DLGAP2: variants seen among roughly 807,000 people sequenced by gnomAD.
The protein encoded by DLGAP2 is DLG associated protein 2, also known as disks large-associated protein 2.
In DLGAP2, 26 loss-of-function variants were observed where a neutral mutation model predicts 100.3. That is an observed-to-expected ratio of 0.26 (90% CI 0.19 to 0.36). The LOEUF (loss-of-function observed/expected upper bound fraction) is 0.36, where lower values mean the gene tolerates loss of function less well. DLGAP2 is among the 10% of genes least tolerant of loss of function. The pLI is 1.00. For missense variants in DLGAP2, 1,858 were observed against 1,453.2 expected, an observed-to-expected ratio of 1.28 and a Z score of -4.53; for synonymous variants, 886 against 630.1, an observed-to-expected ratio of 1.41 and a Z score of -6.08.
intron 3 of DLGAP2, among the ~76,000 whole-genome samples, chr8:1,471,887 C>T (rs777064888): frequency 1.9e-4 from 29 of 152,204 alleles, no homozygotes; most frequent in Non-Finnish European, 1.0e-4. Context: ...TGGGGCTCTG[C>T]GCAGGCCTGC....
chr8:1,227,072 A>T (rs1480565217), intron 2 of DLGAP2, among the ~76,000 whole-genome samples: 1 of 145,990 alleles, frequency 6.8e-6, no homozygotes, highest in Non-Finnish European at 1.5e-5. Flanking sequence ...TCACCTGTTC[A>T]TTGCAGCGTA....
intron 6 of DLGAP2, among the ~76,000 whole-genome samples, chr8:1,585,256 A>G (rs1377575930): frequency 6.6e-6 from 1 of 152,180 alleles, no homozygotes; most frequent in Non-Finnish European, 1.5e-5. Flanking sequence ...TGAGATCAGG[A>G]GTTTGAGACC....
At chr8:1,392,501 T>G (rs1264116577) in intron 3 of DLGAP2, among the ~76,000 whole-genome samples, 1 of 152,254 alleles carries the variant, frequency 6.6e-6, no homozygotes, top group East Asian at 1.9e-4. Context: ...ATTGTCCTGC[T>G]GTGCCTCATT....
At chr8:1,061,206 G>C (rs932314376) in intron 2 of DLGAP2, among the ~76,000 whole-genome samples, 3 of 152,092 alleles carry the variant, frequency 2.0e-5, no homozygotes, top group African/African-American at 7.2e-5. Flanking sequence ...TGGAATCGTC[G>C]CCCATCCCTC....
At chr8:1,496,529 G>A (rs1799550655) in intron 3 of DLGAP2, among the ~76,000 whole-genome samples, 1 of 152,142 alleles carries the variant, frequency 6.6e-6, no homozygotes, top group Non-Finnish European at 1.5e-5. Context: ...CAGGAAGTGT[G>A]AGCAGCTTGT....
rs145203708 is a variant in DLGAP2 at position 1,288,851 on chromosome 8, A to G, written c.106+29968A>G. Reference sequence around the variant, plus strand: ...TGTGTACATGGTTCTGTTAGGTTCTATTACACAGTGTTCATTCCTCCATAG... The same window carrying G: ...TGTGTACATGGTTCTGTTAGGTTCTGTTACACAGTGTTCATTCCTCCATAG... On this transcript the variant is annotated intron_variant, in intron 3 of 14. Coordinates refer to ENST00000637795, the MANE Select transcript of DLGAP2 (RefSeq NM_001346810.2). 6.0e-3 allele frequency among the ~76,000 whole-genome samples: 916 copies of G among 152,172 alleles called. 11 individuals carry two copies. The highest frequency in any genetic ancestry group is 0.032 in the Admixed American group (481 of 15,262).
intron 12 of DLGAP2, among the ~76,000 whole-genome samples, chr8:1,685,414 T>G (rs1255076395): frequency 1.3e-5 from 2 of 152,218 alleles, no homozygotes; most frequent in East Asian, 3.9e-4. Context: ...GGGGTCAATG[T>G]ATCACACAGC....
intron 3 of DLGAP2, among the ~76,000 whole-genome samples, chr8:1,458,167 A>G (rs1388522480): frequency 6.6e-6 from 1 of 151,324 alleles, no homozygotes; most frequent in East Asian, 1.9e-4. Context: ...CGGCCTCCCA[A>G]AGTGCTGGGA....
intron 3 of DLGAP2, among the ~76,000 whole-genome samples, chr8:1,303,196 G>A (rs1231380676): frequency 1.3e-5 from 2 of 152,196 alleles, no homozygotes; most frequent in South Asian, 2.1e-4. Context: ...AGGAGCTCAA[G>A]ACCATCCTGG....
intron 3 of DLGAP2, among the ~76,000 whole-genome samples, chr8:1,389,151 G>T (rs1585326281): frequency 6.6e-6 from 1 of 152,172 alleles, no homozygotes; most frequent in African/African-American, 2.4e-5. Flanking sequence ...ACAGACTAAG[G>T]GTGTGGAAGT....
Position 1,151,861 on chromosome 8 carries a change from C to G in DLGAP2, c.74-106990C>G, listed in dbSNP as rs956754243. On this transcript the variant is annotated intron_variant, in intron 2 of 14. Coordinates refer to ENST00000637795, the MANE Select transcript of DLGAP2 (RefSeq NM_001346810.2). The stretch of plus-strand genomic sequence containing the variant: ...TTTCTTTCTGGTTATTCCATTAGAA[C>G]AAACTATTGGAAGTAAAATTAAGGG... Among the ~76,000 whole-genome samples, 5 of 152,310 alleles carry G rather than the reference C, an allele frequency of 3.3e-5. No individual in the cohort carries two copies. The East Asian group carries it at 5.8e-4, about 18-fold the overall frequency.
At chr8:1,500,694 G>T (rs910473821) in intron 3 of DLGAP2, among the ~76,000 whole-genome samples, 3 of 152,238 alleles carry the variant, frequency 2.0e-5, no homozygotes, top group South Asian at 2.1e-4. Flanking sequence ...AGTGCTCAGT[G>T]ACCCCAAGAC....
chr8:1,326,568 C>G (rs929854272), intron 3 of DLGAP2, among the ~76,000 whole-genome samples: 3 of 151,842 alleles, frequency 2.0e-5, no homozygotes, highest in Admixed American at 6.6e-5. Flanking sequence ...CACTCGGTCT[C>G]AGTCCGGGCT....
intron 1 of DLGAP2, among the ~76,000 whole-genome samples, chr8:899,197 C>T (rs1318730149): frequency 6.6e-6 from 1 of 152,242 alleles, no homozygotes; most frequent in Admixed American, 6.5e-5. Flanking sequence ...TCCCATAGTG[C>T]GTTCCACATG....
At chr8:1,464,506 G>GGCACCCTTCCAGGAAA (rs149102661) in intron 3 of DLGAP2, among the ~76,000 whole-genome samples, 1 of 129,598 alleles carries the variant, frequency 7.7e-6, no homozygotes, top group Non-Finnish European at 1.7e-5. Context: ...CTTCCAGGAC[G>GGCACCCTTCCAGGAAA]GCACCCTTCC....
Position 1,676,576 on chromosome 8 carries a change from G to C in DLGAP2, c.2246G>C (p.Arg749Pro). 1 of 1,613,518 alleles carries C rather than the reference G, an allele frequency of 6.2e-7. No individual in the cohort carries two copies. The highest frequency in any genetic ancestry group is 8.5e-7 in the Non-Finnish European group (1 of 1,179,732). ...TDSDTESRGL[R>P]EYHSVGVQVE... ...TCTGACACGGAGAGCCGCGGTCTGC[G>C]GGAATACCACTCTGTCGGGGTGCAA... Residue 749 changes from arginine to proline, a missense_variant, in exon 11 of 15, where the codon CGG (arginine) becomes CCG (proline). By Grantham distance (103) the Arg-to-Pro change is moderately radical. Coordinates refer to ENST00000637795, the MANE Select transcript of DLGAP2 (RefSeq NM_001346810.2).
chr8:1,120,646 C>T (rs949652298), intron 2 of DLGAP2, among the ~76,000 whole-genome samples: 1 of 151,816 alleles, frequency 6.6e-6, no homozygotes, highest in Non-Finnish European at 1.5e-5. Flanking sequence ...CTTCAGAACT[C>T]ATGACTATAA....
At chr8:1,376,228 G>C (rs557834214) in intron 3 of DLGAP2, among the ~76,000 whole-genome samples, 1 of 152,372 alleles carries the variant, frequency 6.6e-6, no homozygotes, top group South Asian at 2.1e-4. Flanking sequence ...TTGAAGCCCA[G>C]CTGTGGGTGA....
rs146686890 is a variant in DLGAP2 at position 990,270 on chromosome 8, T to C, written c.73+82304T>C. Among the ~76,000 whole-genome samples, 12 of 151,878 alleles carry C rather than the reference T, an allele frequency of 7.9e-5. No individual in the cohort carries two copies. The East Asian group carries it at 2.3e-3, about 29-fold the overall frequency. ...GTGGGTGCCCAAGTCCTGCGCTGCA[T>C]GGGAATCGACCTTCTGAAGTTTTCT... On this transcript the variant is annotated intron_variant, in intron 2 of 14. Coordinates refer to ENST00000637795, the MANE Select transcript of DLGAP2 (RefSeq NM_001346810.2).
Sources: gnomAD v4.1 joint callset for allele counts (sites outside exome capture counted in the v4.1 genomes callset) on GRCh38, gnomAD v4.1.1 for gene constraint, MANE v1.5 for transcripts, NCBI Gene and HGNC (gene_info 2026-07-23, HGNC 2026-07-21) for gene names.